The following PSMD14 variants were observed in gnomAD, a reference collection of about 807,000 sequenced individuals.
PSMD14 encodes proteasome 26S subunit, non-ATPase 14.
A neutral mutation model predicts 41.2 loss-of-function variants in PSMD14; 7 were observed. The ratio of observed to expected loss-of-function variants is 0.17; its 90% confidence interval spans 0.10 to 0.32. The LOEUF (loss-of-function observed/expected upper bound fraction) is 0.32, where lower values mean the gene tolerates loss of function less well. Among genes scored for constraint, PSMD14 ranks in the 10% least tolerant of loss-of-function variants. The pLI, the probability that PSMD14 is intolerant of heterozygous loss-of-function variation, is 1.00. For missense variants in PSMD14, 139 were observed against 375.6 expected (o/e 0.37, Z 5.21); for synonymous variants, 114 against 122.3 (o/e 0.93, Z 0.45).
intron 3 of PSMD14, among the ~76,000 whole-genome samples, chr2:161,344,962 T>G (rs546065512): frequency 6.6e-5 from 10 of 152,334 alleles, no homozygotes; most frequent in Non-Finnish European, 1.0e-4. Flanking sequence ...AATGCTTGTC[T>G]AACCCAAGTT....
intron 3 of PSMD14, among the ~76,000 whole-genome samples, chr2:161,363,966 C>A (rs913214314): frequency 2.0e-5 from 3 of 152,238 alleles, no homozygotes; most frequent in African/African-American, 7.2e-5. Flanking sequence ...ACTGCAAGGA[C>A]AGAGGCCTTT....
chr2:161,372,594 T>C (rs2105258559), intron 7 of PSMD14, among the ~76,000 whole-genome samples: 1 of 152,168 alleles, frequency 6.6e-6, no homozygotes, highest in Non-Finnish European at 1.5e-5. Flanking sequence ...GGATAGCTTC[T>C]GATTCTTGCT....
intron 3 of PSMD14, among the ~76,000 whole-genome samples, chr2:161,342,009 T>C (rs556513951): frequency 6.6e-6 from 1 of 152,094 alleles, no homozygotes; most frequent in Non-Finnish European, 1.5e-5. Context: ...TTTTTGTTTG[T>C]GATCCATTTT....
At chr2:161,405,145 A>G (rs1007593129) in intron 10 of PSMD14, among the ~76,000 whole-genome samples, 1 of 152,162 alleles carries the variant, frequency 6.6e-6, no homozygotes, top group East Asian at 1.9e-4. Context: ...GGCATCGTGT[A>G]GGTTTGAAAC....
intron 10 of PSMD14, among the ~76,000 whole-genome samples, chr2:161,399,763 A>G (rs1683850469): frequency 1.3e-5 from 2 of 152,146 alleles, no homozygotes; most frequent in South Asian, 2.1e-4. Flanking sequence ...AAAATATACC[A>G]CTAGTGGGAA....
At chr2:161,383,278 A>AC (rs1279380805) in intron 7 of PSMD14, 1 of 152,020 alleles carries the variant, frequency 6.6e-6, no homozygotes. Context: ...AGGTTGTTGA[A>AC]CATGTTAGTT....
chr2:161,352,237 G>A (rs1013939279), intron 3 of PSMD14, among the ~76,000 whole-genome samples: 4 of 152,040 alleles, frequency 2.6e-5, no homozygotes, highest in Non-Finnish European at 4.4e-5. Context: ...AACTTGGGGA[G>A]CTAAATAAAA....
At chr2:161,309,640 A>G (rs3769968) in intron 1 of PSMD14, among the ~76,000 whole-genome samples, 3 of 151,982 alleles carry the variant, frequency 2.0e-5, no homozygotes, top group Non-Finnish European at 2.9e-5. Flanking sequence ...TTTAGAGGTT[A>G]AGATATATAG....
Position 161,411,490 on chromosome 2 carries a change from T to C in PSMD14, c.*90T>C, listed in dbSNP as rs1000209028. The C allele has an allele frequency of 4.7e-6, 4 of 858,662 alleles. No homozygotes were observed. Among genetic ancestry groups the C allele is most frequent in the Non-Finnish European group, 6.9e-6 (4 of 578,894 alleles). 53.2% of individuals were successfully genotyped at this position (858,662 alleles called of 1,614,324 possible). A position where few individuals can be genotyped will look rare whatever the true frequency, so the allele number is the denominator to read the frequency against. On this transcript the variant is annotated 3_prime_UTR_variant, in exon 12 of 12. Coordinates refer to ENST00000409682, the MANE Select transcript of PSMD14 (RefSeq NM_005805.6). ...AATCAAGGGACCTCTGAAGGTGTAC[T>C]TGGCTAAATGTAAGACATCTGGCAT... is the stretch of plus-strand genomic sequence containing the variant.
At position 161,316,189 on chromosome 2, in the gene PSMD14, A is replaced by T. The variant is rs1330611766; in HGVS notation, c.-137-248A>T. 2.0e-5 allele frequency among the ~76,000 whole-genome samples: 3 copies of T among 152,306 alleles called. No homozygotes were observed. The East Asian group carries it at 5.8e-4, about 29-fold the overall frequency. ...GTCTGGAAAGACTAAAAGTTTTGAA[A>T]TGTCTGTCTTCAAAGTTAGTGTTCA... On this transcript the variant is annotated intron_variant, in intron 1 of 11. Transcript: ENST00000409682.
intron 1 of PSMD14, among the ~76,000 whole-genome samples, chr2:161,313,558 C>G (rs992938265): frequency 1.3e-5 from 2 of 152,196 alleles, no homozygotes; most frequent in African/African-American, 4.8e-5. Flanking sequence ...CCATGTTGGC[C>G]AGGCTGGTCT....
chr2:161,371,421 C>A, intron 7 of PSMD14, 99 bp downstream of exon 7: 1 of 1,227,768 alleles, frequency 8.1e-7, no homozygotes, highest in Admixed American at 2.6e-5. Context: ...TTCTTAATTA[C>A]ACAGAAAGCT....
At chr2:161,403,513 A>C (rs1397664879) in intron 10 of PSMD14, among the ~76,000 whole-genome samples, 1 of 152,206 alleles carries the variant, frequency 6.6e-6, no homozygotes, top group African/African-American at 2.4e-5. Context: ...AAAATGGTTA[A>C]TTTTATGTTA....
At chr2:161,402,148 A>G (rs1314865156) in intron 10 of PSMD14, among the ~76,000 whole-genome samples, 2 of 152,154 alleles carry the variant, frequency 1.3e-5, no homozygotes, top group Admixed American at 6.5e-5. Flanking sequence ...TGCCAGTTCC[A>G]CTGCCTTACC....
At chr2:161,332,445 CTTG>C (rs1303419800) in intron 3 of PSMD14, among the ~76,000 whole-genome samples, 2 of 152,126 alleles carry the variant, frequency 1.3e-5, no homozygotes, top group Non-Finnish European at 2.9e-5. Flanking sequence ...AATGACCAAT[CTTG>C]TTGTACCTTG....
chr2:161,350,863 T>G (rs1245929044), intron 3 of PSMD14, among the ~76,000 whole-genome samples: 1 of 152,226 alleles, frequency 6.6e-6, no homozygotes, highest in Non-Finnish European at 1.5e-5. Context: ...GCAATCATAT[T>G]GTACTTCTCC....
intron 1 of PSMD14, among the ~76,000 whole-genome samples, chr2:161,309,300 A>T (rs1484784306): frequency 6.6e-6 from 1 of 152,220 alleles, no homozygotes; most frequent in Non-Finnish European, 1.5e-5. Flanking sequence ...AAGAAAAAGA[A>T]TGTAAACTTT....
At chr2:161,337,855 A>G (rs994944331) in intron 3 of PSMD14, among the ~76,000 whole-genome samples, 1 of 152,110 alleles carries the variant, frequency 6.6e-6, no homozygotes, top group African/African-American at 2.4e-5. Context: ...AAGTTATTTA[A>G]TTTATATACA....
chr2:161,395,750 AGT>A (rs1383000892), intron 10 of PSMD14, among the ~76,000 whole-genome samples: 1 of 152,220 alleles, frequency 6.6e-6, no homozygotes, highest in South Asian at 2.1e-4. Flanking sequence ...TACATTATGC[AGT>A]GTTATATTAA....
Sources: allele counts gnomAD v4.1 joint callset (sites outside exome capture counted in the v4.1 genomes callset), GRCh38; gene constraint gnomAD v4.1.1; transcripts MANE v1.5; gene names NCBI Gene and HGNC (gene_info 2026-07-23, HGNC 2026-07-21).